Variants in CTNNA2 observed in about 807,000 individuals in gnomAD.
The protein encoded by CTNNA2 is catenin alpha-2.
Under a neutral mutation model 101.0 loss-of-function variants are expected in CTNNA2, and 42 were observed. The ratio of observed to expected loss-of-function variants is 0.42; its 90% CI spans 0.32 to 0.54. CTNNA2 has a LOEUF of 0.54. Among genes scored for constraint, CTNNA2 ranks in the 20% least tolerant of loss-of-function variants. CTNNA2 has a pLI of 0.14. For missense variants in CTNNA2, 871 were observed against 1,223.1 expected (o/e 0.71, Z 4.29); for synonymous variants, 450 against 456.4 (o/e 0.99, Z 0.18).
chr2:80,312,236 C>T (rs1039128748), intron 7 of CTNNA2, among the ~76,000 whole-genome samples: 2 of 152,246 alleles, frequency 1.3e-5, no homozygotes. Context: ...GTTCTTACTC[C>T]TTACGCAGGT....
At chr2:80,104,566 C>G (rs1286570651) in intron 7 of CTNNA2, among the ~76,000 whole-genome samples, 1 of 152,196 alleles carries the variant, frequency 6.6e-6, no homozygotes, top group Non-Finnish European at 1.5e-5. Flanking sequence ...TGAGGAATAT[C>G]TTTGCTTTGT....
At chr2:80,522,090 C>G (rs962378260) in intron 9 of CTNNA2, among the ~76,000 whole-genome samples, 16 of 152,232 alleles carry the variant, frequency 1.1e-4, no homozygotes, top group African/African-American at 3.6e-4. Flanking sequence ...ACAAGGCCAA[C>G]CTGGATCCTG....
intron 7 of CTNNA2, among the ~76,000 whole-genome samples, chr2:79,921,750 G>A (rs1686666744): frequency 6.6e-6 from 1 of 152,186 alleles, no homozygotes; most frequent in Non-Finnish European, 1.5e-5. Context: ...GCAGCTGAGA[G>A]ACTTAGAGCA....
chr2:80,205,806 C>T (rs1707497132), intron 7 of CTNNA2, among the ~76,000 whole-genome samples: 2 of 152,146 alleles, frequency 1.3e-5, no homozygotes, highest in Admixed American at 1.3e-4. Context: ...AATTGTTTCT[C>T]ATGTCAGCAG....
intron 2 of CTNNA2, among the ~76,000 whole-genome samples, chr2:79,734,413 T>C (rs1558882148): frequency 6.6e-6 from 1 of 152,146 alleles, no homozygotes; most frequent in Non-Finnish European, 1.5e-5. Flanking sequence ...ATATATATTT[T>C]AGATACTCTA....
intron 1 of CTNNA2, among the ~76,000 whole-genome samples, chr2:79,602,356 A>C (rs1374851130): frequency 6.6e-6 from 1 of 152,184 alleles, no homozygotes; most frequent in Non-Finnish European, 1.5e-5. Context: ...TGATTTAAAA[A>C]AAAAACTCTA....
intron 3 of CTNNA2, among the ~76,000 whole-genome samples, chr2:79,782,245 A>AT (rs1370548918): frequency 1.3e-5 from 2 of 151,982 alleles, no homozygotes; most frequent in Non-Finnish European, 2.9e-5. Flanking sequence ...TTTATATTTT[A>AT]TTTTTTTGGA....
intron 2 of CTNNA2, among the ~76,000 whole-genome samples, chr2:79,286,438 G>T (rs933998703): frequency 6.6e-6 from 1 of 151,868 alleles, no homozygotes; most frequent in Non-Finnish European, 1.5e-5. Flanking sequence ...AGCTCTTTTA[G>T]GGCAGGCCTG....
At chr2:79,716,019 A>C (rs549798820) in intron 2 of CTNNA2, among the ~76,000 whole-genome samples, 1 of 147,780 alleles carries the variant, frequency 6.8e-6, no homozygotes, top group Admixed American at 6.8e-5. Flanking sequence ...AATCGACTAT[A>C]AGGATTGAAA....
intron 7 of CTNNA2, chr2:80,162,708 C>T: frequency 1.2e-6 from 2 of 1,612,600 alleles, no homozygotes; most frequent in Non-Finnish European, 1.7e-6. Flanking sequence ...CTGATTAAAA[C>T]TATGACTGTG....
At chr2:79,959,126 T>C (rs2117291) in intron 7 of CTNNA2, among the ~76,000 whole-genome samples, 139,631 of 152,052 alleles carry the variant, frequency 0.92, 64,216 homozygotes, top group East Asian at 0.95. Flanking sequence ...CAGCTCACTG[T>C]AGCCCTGCAT....
chr2:80,075,556 TGTATAAATA>T (rs1698627092), intron 7 of CTNNA2, among the ~76,000 whole-genome samples: 2 of 144,452 alleles, frequency 1.4e-5, no homozygotes, highest in Non-Finnish European at 3.0e-5. Flanking sequence ...TATTTATACA[TGTATAAATA>T]TTATAAAATA....
intron 18 of CTNNA2, among the ~76,000 whole-genome samples, chr2:80,636,289 C>T (rs867065304): frequency 1.3e-5 from 2 of 152,044 alleles, no homozygotes; most frequent in African/African-American, 4.8e-5. Flanking sequence ...TTAGAGATGG[C>T]AGGTGCTGGC....
At chr2:80,123,029 G>T (rs926074784) in intron 7 of CTNNA2, among the ~76,000 whole-genome samples, 1 of 152,082 alleles carries the variant, frequency 6.6e-6, no homozygotes, top group African/African-American at 2.4e-5. Context: ...GGGTGATATG[G>T]TGTGGGTCCC....
At chr2:80,249,291 T>C (rs1321685056) in intron 7 of CTNNA2, among the ~76,000 whole-genome samples, 1 of 152,214 alleles carries the variant, frequency 6.6e-6, no homozygotes, top group Non-Finnish European at 1.5e-5. Context: ...CCTCGTCGCA[T>C]AGGGCATTCA....
In CTNNA2 at chr2:79,878,977, C is replaced by A. The variant is rs182933316; in HGVS notation, c.852+4635C>A. Among the ~76,000 whole-genome samples, 9 of 152,254 alleles carry A rather than the reference C, an allele frequency of 5.9e-5. No individual in the cohort carries two copies. The East Asian group carries it at 1.7e-3, about 29-fold the overall frequency. On this transcript the variant is annotated intron_variant, in intron 6 of 18. Transcript: ENST00000402739. ...GGGTTTTACATTTAAGTCTTTAATA[C>A]ATCTTGAGTTAGTTTTTGCATAAGG...
chr2:79,632,093 C>A (rs1255686498), intron 1 of CTNNA2, among the ~76,000 whole-genome samples: 3 of 152,030 alleles, frequency 2.0e-5, no homozygotes, highest in Non-Finnish European at 4.4e-5. Flanking sequence ...TTTTGTCTTT[C>A]TTTCAAATCC....
intron 7 of CTNNA2, among the ~76,000 whole-genome samples, chr2:79,979,295 G>A (rs911105128): frequency 1.3e-4 from 20 of 152,188 alleles, no homozygotes; most frequent in Middle Eastern, 6.8e-3. Context: ...AGGTGAGAGG[G>A]TTGCTTGAGC....
chr2:80,235,379 C>A (rs1279871098), intron 7 of CTNNA2, among the ~76,000 whole-genome samples: 1 of 152,182 alleles, frequency 6.6e-6, no homozygotes, highest in Non-Finnish European at 1.5e-5. Context: ...CGGGCTGTTT[C>A]TGCTCTTGAA....
Sources: gnomAD v4.1 joint callset for allele counts (sites outside exome capture counted in the v4.1 genomes callset) on GRCh38, gnomAD v4.1.1 for gene constraint, MANE v1.5 for transcripts, NCBI Gene and HGNC (gene_info 2026-07-23, HGNC 2026-07-21) for gene names.